PCDHA8: variants seen among roughly 807,000 people sequenced by gnomAD.
PCDHA8 encodes the protein protocadherin alpha-8.
Under a neutral mutation model 61.8 loss-of-function variants are expected in PCDHA8, and 53 were observed. The ratio of observed to expected loss-of-function variants is 0.86; its 90% CI spans 0.69 to 1.08. PCDHA8 has a LOEUF of 1.08. Among genes scored for constraint, PCDHA8 ranks in the 50% least tolerant of loss-of-function variants. The pLI, the probability that PCDHA8 is intolerant of heterozygous loss-of-function variation, is 0.00. For missense variants in PCDHA8, 1,293 were observed against 1,245.0 expected (o/e 1.04, Z -0.58); for synonymous variants, 618 against 556.6 (o/e 1.11, Z -1.55).
At position 140,850,766 on chromosome 5, in the gene PCDHA8, G is replaced by A. The variant is rs2150497576; in HGVS notation, c.2394+7051G>A. The A allele has an allele frequency of 3.1e-6, 5 of 1,598,074 alleles. No homozygotes were observed. In the South Asian group the frequency reaches 4.4e-5, roughly 14 times the overall value. On this transcript the variant is annotated intron_variant, in intron 1 of 3. Coordinates refer to ENST00000531613, the MANE Select transcript of PCDHA8 (RefSeq NM_018911.3). ...CGTACTCGCAGCAGAGGAGGCAGAG[G>A]GTGTGCTCTGGCGAGGGTAAGCAGA...
At chr5:140,973,354 T>A (rs937415600) in intron 1 of PCDHA8, among the ~76,000 whole-genome samples, 4 of 152,202 alleles carry the variant, frequency 2.6e-5, no homozygotes, top group Non-Finnish European at 5.9e-5. Flanking sequence ...AGTAGTGAAT[T>A]TATAAAAATT....
Position 140,845,283 on chromosome 5 carries a change from C to G in PCDHA8, c.2394+1568C>G, listed in dbSNP as rs1279149286. ...TTTTCCTTTGTGAAAGTAATATTTC[C>G]TATCCTGTCTATGTCTACCTGGTTC... On this transcript the variant is annotated intron_variant, in intron 1 of 3. Coordinates refer to ENST00000531613, the MANE Select transcript of PCDHA8 (RefSeq NM_018911.3). Among the ~76,000 whole-genome samples, 6 of 149,008 alleles carry G rather than the reference C, an allele frequency of 4.0e-5. No individual in the cohort carries two copies. The South Asian group carries it at 1.1e-3, about 26-fold the overall frequency.
chr5:140,925,371 A>G (rs1266840293), intron 1 of PCDHA8, among the ~76,000 whole-genome samples: 2 of 152,136 alleles, frequency 1.3e-5, no homozygotes, highest in Non-Finnish European at 2.9e-5. Context: ...CATAGTCAAT[A>G]GTCAATGAGT....
rs1475257095 is a variant in PCDHA8 at position 140,842,001 on chromosome 5, A to G, written c.680A>G (p.Gln227Arg). 1 of 1,613,730 alleles carries G rather than the reference A, an allele frequency of 6.2e-7. No individual in the cohort carries two copies. Among genetic ancestry groups the G allele is most frequent in the African/African-American group, 1.3e-5 (1 of 74,880 alleles). The change falls in exon 1 of 4, where the codon CAG (glutamine) becomes CGG (arginine). Residue 227 changes from glutamine (Q) to arginine (R), a missense_variant. By Grantham distance (43) the Gln-to-Arg change is conservative (BLOSUM62 1). Coordinates refer to ENST00000531613, the MANE Select transcript of PCDHA8 (RefSeq NM_018911.3). ...AAACCTGAGCTCACAGGCACTGTTCAGCTGCTGGTCACAGTGCTGGATGTG... is the reference window on the plus strand; with the variant it reads ...AAACCTGAGCTCACAGGCACTGTTCGGCTGCTGGTCACAGTGCTGGATGTG... Reference protein sequence around the residue: ...GGKPELTGTVQLLVTVLDVND... With the variant: ...GGKPELTGTVRLLVTVLDVND...
At chr5:140,985,670 G>A (rs1554247237) in intron 3 of PCDHA8, among the ~76,000 whole-genome samples, 1 of 152,024 alleles carries the variant, frequency 6.6e-6, no homozygotes, top group East Asian at 1.9e-4. Flanking sequence ...AAAGGAAGTG[G>A]GGCCTGCCTT....
At chr5:140,878,879 G>A (rs1315306611) in intron 1 of PCDHA8, among the ~76,000 whole-genome samples, 4 of 152,204 alleles carry the variant, frequency 2.6e-5, no homozygotes, top group Admixed American at 6.5e-5. Flanking sequence ...AGCCTTTCAA[G>A]TAGCTGAGAC....
At chr5:140,871,294 T>C in intron 1 of PCDHA8, 1 of 1,613,852 alleles carries the variant, frequency 6.2e-7, no homozygotes, top group Non-Finnish European at 8.5e-7. Context: ...TGAGGGCGCG[T>C]GCGCGCCGGG....
At position 140,915,045 on chromosome 5, in the gene PCDHA8, A is replaced by G. The variant is rs989835419; in HGVS notation, c.2395-63904A>G. 2.0e-5 allele frequency among the ~76,000 whole-genome samples: 3 copies of G among 151,216 alleles called. No homozygotes were observed. In the East Asian group the frequency reaches 5.8e-4, roughly 29 times the overall value. On this transcript the variant is annotated intron_variant, in intron 1 of 3. Transcript: ENST00000531613. ...ACTGCAACTTCTGCCTCCTGGGTTC[A>G]AGCGATTCTCCTGCCTTAGCCTACT...
chr5:140,850,357 C>G (rs146638035), intron 1 of PCDHA8: 1 of 1,597,856 alleles, frequency 6.3e-7, no homozygotes, highest in African/African-American at 1.3e-5. Flanking sequence ...GCGAGCATCC[C>G]GTTCCGCGTG....
At chr5:140,931,951 G>A (rs1366094994) in intron 1 of PCDHA8, among the ~76,000 whole-genome samples, 1 of 151,826 alleles carries the variant, frequency 6.6e-6, no homozygotes, top group Non-Finnish European at 1.5e-5. Flanking sequence ...GAGTCTTACA[G>A]AATCATGTTG....
chr5:140,870,528 A>T, intron 1 of PCDHA8: 11 of 1,614,214 alleles, frequency 6.8e-6, no homozygotes, highest in Non-Finnish European at 7.6e-6. Context: ...ACATCTTCAC[A>T]GTGTCGGCGC....
At chr5:140,910,850 A>G (rs1285161954) in intron 1 of PCDHA8, among the ~76,000 whole-genome samples, 1 of 152,168 alleles carries the variant, frequency 6.6e-6, no homozygotes, top group Non-Finnish European at 1.5e-5. Flanking sequence ...CCTTGGATCT[A>G]TGTTCCATCC....
chr5:140,955,867 C>T (rs1208648426), intron 1 of PCDHA8, among the ~76,000 whole-genome samples: 1 of 152,136 alleles, frequency 6.6e-6, no homozygotes, highest in Non-Finnish European at 1.5e-5. Context: ...CTTCACTTCC[C>T]TTTTTAGCTG....
At chr5:140,882,854 C>T in intron 1 of PCDHA8, 1 of 1,614,196 alleles carries the variant, frequency 6.2e-7, no homozygotes, top group African/African-American at 1.3e-5. Context: ...ATCACTTGTA[C>T]TGAGGAAAAC....
intron 1 of PCDHA8, chr5:140,850,399 G>C: frequency 6.3e-7 from 1 of 1,597,978 alleles, no homozygotes; most frequent in Non-Finnish European, 8.6e-7. Flanking sequence ...AGCACAACGC[G>C]TGCCCTGGAC....
At chr5:140,869,139 AC>A in intron 1 of PCDHA8, 1 of 1,613,274 alleles carries the variant, frequency 6.2e-7, no homozygotes. Flanking sequence ...TGGGCACCCC[AC>A]GACTACAGCT....
chr5:140,869,227 G>A, intron 1 of PCDHA8: 2 of 1,613,788 alleles, frequency 1.2e-6, no homozygotes, highest in African/African-American at 1.3e-5. Context: ...GGCCAAACAC[G>A]GCACCTTCGT....
intron 3 of PCDHA8, among the ~76,000 whole-genome samples, chr5:141,006,105 G>GTT (rs79904017): frequency 1.9e-4 from 27 of 143,364 alleles, no homozygotes; most frequent in Middle Eastern, 3.8e-3. Flanking sequence ...ATGGTAAGGA[G>GTT]TTTTTTTTTT....
At position 140,877,504 on chromosome 5, in the gene PCDHA8, A is replaced by T. The variant is rs532509235; in HGVS notation, c.2394+33789A>T. The T allele has an allele frequency of 1.1e-5, 18 of 1,613,764 alleles. No individual in the cohort carries two copies. The South Asian group carries it at 1.3e-4, about 12-fold the overall frequency. On this transcript the variant is annotated intron_variant, in intron 1 of 3. Coordinates refer to ENST00000531613, the MANE Select transcript of PCDHA8 (RefSeq NM_018911.3). ...GGTGGAGAACGGCCAGGCCCCAAAG[A>T]CGTCGTCGCGGGCCTCAGTGGGCGC...
Sources: allele counts gnomAD v4.1 joint callset (sites outside exome capture counted in the v4.1 genomes callset), GRCh38; gene constraint gnomAD v4.1.1; transcripts MANE v1.5; gene names NCBI Gene and HGNC (gene_info 2026-07-23, HGNC 2026-07-21).